The following KLHL8 variants were observed in gnomAD, a reference collection of about 807,000 sequenced individuals.
KLHL8 encodes kelch-like protein 8.
Under a neutral mutation model 63.5 loss-of-function variants are expected in KLHL8, and 38 were observed. The observed-to-expected ratio is 0.60, with a 90% CI of 0.46 to 0.78. The LOEUF (loss-of-function observed/expected upper bound fraction) is 0.78. Among genes scored for constraint, KLHL8 ranks in the 30% least tolerant of loss-of-function variants. KLHL8 has a pLI of 0.00. For missense variants in KLHL8, 566 were observed against 752.4 expected, an observed-to-expected ratio of 0.75 and a Z score of 2.90; for synonymous variants, 224 against 254.3, an observed-to-expected ratio of 0.88 and a Z score of 1.13.
At chr4:87,237,472 T>C (rs555554079) in intron 1 of KLHL8, among the ~76,000 whole-genome samples, 37 of 152,232 alleles carry the variant, frequency 2.4e-4, no homozygotes, top group African/African-American at 8.7e-4. Context: ...AAAATTAGCC[T>C]AGTTCTAGTT....
chr4:87,234,831 A>G (rs939149546), intron 1 of KLHL8, among the ~76,000 whole-genome samples: 7 of 152,214 alleles, frequency 4.6e-5, no homozygotes, highest in African/African-American at 1.7e-4. Flanking sequence ...CCAGTGGGGC[A>G]AGATGTGGAG....
At chr4:87,192,618 G>C (rs1185948759) in intron 2 of KLHL8, among the ~76,000 whole-genome samples, 1 of 152,198 alleles carries the variant, frequency 6.6e-6, no homozygotes, top group Non-Finnish European at 1.5e-5. Flanking sequence ...GCTGTAGTAA[G>C]CAGTTCTAAT....
Position 87,165,076 on chromosome 4 carries a change from G to A in KLHL8, c.1538-997C>T, listed in dbSNP as rs556365214. ...AGGCAGGACAATGGCGTGAACCTGG[G>A]AGGCGGACGCTTGCAGTGAGCCGAG... On this transcript the variant is annotated intron_variant, in intron 8 of 9. Transcript: ENST00000273963. Among the ~76,000 whole-genome samples, 193 of 150,020 alleles carry A rather than the reference G, an allele frequency of 1.3e-3. 1 individual carries two copies. Among genetic ancestry groups the A allele is most frequent in the Non-Finnish European group, 2.3e-3 (155 of 67,656 alleles).
chr4:87,178,576 AG>A lies in KLHL8; in HGVS notation c.996del (p.Arg334AlafsTer19), dbSNP rs1478321195. On this transcript the variant is annotated frameshift_variant, in exon 5 of 10. Transcript: ENST00000273963. LOFTEE classifies it high-confidence loss of function. ...CVGGRGGSGD[P>X]FRSIECYSIN... ...ATAGAATAGCATTCAATACTGCGAA[AG>A]GGGTCACCAGATCCACCTCGACCAC... 1 of 1,608,836 alleles carries A rather than the reference AG, an allele frequency of 6.2e-7. No homozygotes were observed. The highest frequency in any genetic ancestry group is 8.5e-7 in the Non-Finnish European group (1 of 1,178,726).
At chr4:87,186,011 T>C (rs1490590062) in intron 2 of KLHL8, among the ~76,000 whole-genome samples, 2 of 152,054 alleles carry the variant, frequency 1.3e-5, no homozygotes, top group African/African-American at 4.8e-5. Flanking sequence ...CATATTCATA[T>C]ATATATATAC....
chr4:87,186,989 C>T (rs1193063714), intron 2 of KLHL8, among the ~76,000 whole-genome samples: 2 of 149,988 alleles, frequency 1.3e-5, no homozygotes, highest in African/African-American at 2.5e-5. Flanking sequence ...AAAAAAAACA[C>T]TGCAATCTCA....
At chr4:87,167,619 C>A in intron 8 of KLHL8, 1 of 480,204 alleles carries the variant, frequency 2.1e-6, no homozygotes. Flanking sequence ...CCATGTGCTG[C>A]AGATGGCTCA....
chr4:87,226,568 GCT>G (rs1226100384), intron 1 of KLHL8, among the ~76,000 whole-genome samples: 9 of 92,412 alleles, frequency 9.7e-5, no homozygotes, highest in Non-Finnish European at 1.8e-4. Flanking sequence ...TCTCTCTCTC[GCT>G]CTCTCTCTCT....
intron 1 of KLHL8, among the ~76,000 whole-genome samples, chr4:87,218,350 G>A (rs1293367261): frequency 6.6e-6 from 1 of 151,698 alleles, no homozygotes; most frequent in Non-Finnish European, 1.5e-5. Context: ...TCGTGTCTCT[G>A]GGACTACAGG....
At chr4:87,165,450 G>C (rs1451989061) in intron 8 of KLHL8, among the ~76,000 whole-genome samples, 1 of 152,054 alleles carries the variant, frequency 6.6e-6, no homozygotes, top group Non-Finnish European at 1.5e-5. Context: ...CTGAAGTGCA[G>C]TAACACAATC....
At chr4:87,202,893 G>C (rs1362402910) in intron 1 of KLHL8, among the ~76,000 whole-genome samples, 2 of 152,054 alleles carry the variant, frequency 1.3e-5, no homozygotes, top group African/African-American at 4.8e-5. Context: ...CATGAATACA[G>C]ACATAAAAAT....
chr4:87,188,699 C>T (rs1731356145), intron 2 of KLHL8, among the ~76,000 whole-genome samples: 1 of 152,086 alleles, frequency 6.6e-6, no homozygotes, highest in Non-Finnish European at 1.5e-5. Flanking sequence ...TTTATTTGTA[C>T]ATTTTCTTTC....
chr4:87,215,130 C>A (rs1414786624), intron 1 of KLHL8, among the ~76,000 whole-genome samples: 1 of 152,130 alleles, frequency 6.6e-6, no homozygotes, highest in Non-Finnish European at 1.5e-5. Flanking sequence ...GTAGGAGAAG[C>A]CATACAAATC....
At chr4:87,197,369 C>G (rs941864183) in intron 1 of KLHL8, among the ~76,000 whole-genome samples, 1 of 152,156 alleles carries the variant, frequency 6.6e-6, no homozygotes, top group Non-Finnish European at 1.5e-5. Flanking sequence ...TAGGCAATCC[C>G]TAGGACCTGA....
intron 7 of KLHL8, 43 bp from the exon 8 acceptor site, chr4:87,170,281 T>C: frequency 6.4e-7 from 1 of 1,563,078 alleles, no homozygotes; most frequent in Non-Finnish European, 8.7e-7. Context: ...ATTTCGAATT[T>C]ATTTATATAT....
chr4:87,212,204 C>T (rs1266462951), intron 1 of KLHL8, among the ~76,000 whole-genome samples: 1 of 152,144 alleles, frequency 6.6e-6, no homozygotes, highest in Non-Finnish European at 1.5e-5. Context: ...CTAAGATATC[C>T]AAAATCTTTT....
At chr4:87,201,275 C>A (rs1309550780) in intron 1 of KLHL8, among the ~76,000 whole-genome samples, 1 of 152,070 alleles carries the variant, frequency 6.6e-6, no homozygotes, top group Non-Finnish European at 1.5e-5. Flanking sequence ...GTGTTTTTCA[C>A]CGCAATAAAA....
Position 87,193,866 on chromosome 4 carries a change from G to A in KLHL8, c.216+1458C>T, listed in dbSNP as rs989607981. Reference sequence around the variant, plus strand: ...ATCGTTGACCAAAATGTCCTTATGTGGCACATGATTATACCCCTTTCTGAG... The same window carrying A: ...ATCGTTGACCAAAATGTCCTTATGTAGCACATGATTATACCCCTTTCTGAG... On this transcript the variant is annotated intron_variant, in intron 2 of 9. Transcript: ENST00000273963. Among the ~76,000 whole-genome samples the A allele has an allele frequency of 3.9e-5, 6 of 152,104 alleles. No individual in the cohort carries two copies. The Middle Eastern group carries it at 0.017, about 434-fold the overall frequency.
chr4:87,203,878 A>C (rs1055811738), intron 1 of KLHL8, among the ~76,000 whole-genome samples: 3 of 152,084 alleles, frequency 2.0e-5, no homozygotes, highest in Non-Finnish European at 2.9e-5. Flanking sequence ...TCAGGAGAAA[A>C]ATGTTGGCAA....
Sources: allele counts gnomAD v4.1 joint callset (sites outside exome capture counted in the v4.1 genomes callset), GRCh38; gene constraint gnomAD v4.1.1; transcripts MANE v1.5; gene names NCBI Gene and HGNC (gene_info 2026-07-23, HGNC 2026-07-21).